Variants in CLMP observed in about 807,000 individuals in gnomAD.
CLMP encodes CXADR like cell adhesion molecule.
In CLMP, 27 loss-of-function variants were observed where a neutral mutation model predicts 45.2. That is an observed-to-expected ratio of 0.60 (90% CI 0.44 to 0.82). The LOEUF is 0.82. Ranked by LOEUF, CLMP falls within the 40% of genes least tolerant of loss-of-function variation. CLMP has a pLI of 0.00. For missense variants in CLMP, 403 were observed against 448.4 expected (o/e 0.90, Z 0.91); for synonymous variants, 167 against 171.4 (o/e 0.97, Z 0.20).
chr11:123,077,451 C>A (rs1865754531), intron 5 of CLMP, among the ~76,000 whole-genome samples: 1 of 152,160 alleles, frequency 6.6e-6, no homozygotes, highest in Admixed American at 6.5e-5. Context: ...CCTGCCTCAA[C>A]TTCCTGAGTA....
intron 1 of CLMP, among the ~76,000 whole-genome samples, chr11:123,154,805 A>G (rs1861389805): frequency 6.6e-6 from 1 of 152,200 alleles, no homozygotes; most frequent in South Asian, 2.1e-4. Flanking sequence ...TCACTCGCTG[A>G]TCAGATGTTC....
intron 1 of CLMP, among the ~76,000 whole-genome samples, chr11:123,149,757 C>T (rs191738701): frequency 0.01 from 1,564 of 151,684 alleles, 12 homozygotes; most frequent in Non-Finnish European, 0.015. Flanking sequence ...GAAAAGAGGT[C>T]CTCAAAAGGT....
intron 2 of CLMP, among the ~76,000 whole-genome samples, chr11:123,092,426 T>G (rs1027950280): frequency 8.4e-4 from 128 of 152,008 alleles, no homozygotes; most frequent in East Asian, 3.9e-4. Flanking sequence ...GCCTCTCGAG[T>G]AGCTGGGACT....
chr11:123,128,499 C>T (rs986306544), intron 1 of CLMP, among the ~76,000 whole-genome samples: 1 of 151,936 alleles, frequency 6.6e-6, no homozygotes, highest in Non-Finnish European at 1.5e-5. Flanking sequence ...TTGCCTCTAC[C>T]AAAAATAAAA....
chr11:123,077,038 G>C (rs539336127), intron 5 of CLMP, among the ~76,000 whole-genome samples: 1 of 103,596 alleles, frequency 9.7e-6, no homozygotes, highest in East Asian at 2.9e-4. Flanking sequence ...CGCTCTTGTT[G>C]CCCAGGCTGG....
intron 1 of CLMP, among the ~76,000 whole-genome samples, chr11:123,167,387 A>G (rs185519025): frequency 0.024 from 3,725 of 152,150 alleles, 177 homozygotes; most frequent in East Asian, 0.12. Context: ...CTGGGTTCAC[A>G]CCATTCTCCT....
intron 1 of CLMP, among the ~76,000 whole-genome samples, chr11:123,167,581 C>A (rs916126030): frequency 4.6e-5 from 7 of 151,826 alleles, no homozygotes; most frequent in South Asian, 2.1e-4. Flanking sequence ...CACCACGCCC[C>A]GCCGAAAGAC....
intron 1 of CLMP, among the ~76,000 whole-genome samples, chr11:123,178,900 A>T (rs780118871): frequency 4.6e-4 from 70 of 152,202 alleles, no homozygotes; most frequent in Non-Finnish European, 9.1e-4. Context: ...GTTGTATTAC[A>T]TGAGGTTCAC....
chr11:123,160,031 C>A (rs1159869270), intron 1 of CLMP, among the ~76,000 whole-genome samples: 3 of 152,062 alleles, frequency 2.0e-5, no homozygotes, highest in Non-Finnish European at 4.4e-5. Context: ...GCAATCCCAG[C>A]AGTTTGGGAG....
chr11:123,104,488 G>A (rs936667812), intron 1 of CLMP, among the ~76,000 whole-genome samples: 9 of 151,748 alleles, frequency 5.9e-5, no homozygotes, highest in Non-Finnish European at 1.2e-4. Flanking sequence ...AGGTTCAAAC[G>A]ATTCTCCTGC....
chr11:123,175,406 C>CAG (rs1861685922), intron 1 of CLMP, among the ~76,000 whole-genome samples: 1 of 150,150 alleles, frequency 6.7e-6, no homozygotes, highest in African/African-American at 2.5e-5. Flanking sequence ...GGAACCACCC[C>CAG]ATGATCCAGT....
At chr11:123,077,419 C>T (rs1865754199) in intron 5 of CLMP, among the ~76,000 whole-genome samples, 1 of 152,176 alleles carries the variant, frequency 6.6e-6, no homozygotes, top group Admixed American at 6.5e-5. Flanking sequence ...GCAACCTCTG[C>T]CTCCCGGGTT....
chr11:123,117,720 C>G (rs867564411), intron 1 of CLMP, among the ~76,000 whole-genome samples: 4 of 152,224 alleles, frequency 2.6e-5, no homozygotes, highest in African/African-American at 4.8e-5. Flanking sequence ...AGCCACCATG[C>G]CTGGCTGAGA....
intron 1 of CLMP, among the ~76,000 whole-genome samples, chr11:123,145,468 T>TG (rs374994167): frequency 0.27 from 40,179 of 146,216 alleles, 6,336 homozygotes; most frequent in African/African-American, 0.4. Context: ...TTTTTTTTTT[T>TG]TTTTTTTTTT....
intron 1 of CLMP, among the ~76,000 whole-genome samples, chr11:123,112,993 T>G (rs1476323476): frequency 6.6e-6 from 1 of 151,854 alleles, no homozygotes; most frequent in Non-Finnish European, 1.5e-5. Flanking sequence ...CAGGATGGTC[T>G]CGATCTCCTG....
At chr11:123,097,623 C>A (rs1016776478) in intron 2 of CLMP, among the ~76,000 whole-genome samples, 172 bp downstream of exon 2, 1 of 152,168 alleles carries the variant, frequency 6.6e-6, no homozygotes, top group Admixed American at 6.5e-5. Flanking sequence ...GCCACCACAC[C>A]CAGCAATACT....
intron 1 of CLMP, among the ~76,000 whole-genome samples, chr11:123,131,568 T>C (rs541837171): frequency 1.5e-4 from 23 of 152,264 alleles, no homozygotes; most frequent in African/African-American, 3.6e-4. Flanking sequence ...TTGGGTCACA[T>C]TGGAGTCCTG....
intron 1 of CLMP, among the ~76,000 whole-genome samples, chr11:123,156,796 C>T (rs1448225846): frequency 6.6e-6 from 1 of 152,204 alleles, no homozygotes; most frequent in Non-Finnish European, 1.5e-5. Flanking sequence ...TCCCAGAAAG[C>T]TTTGCTAAGC....
chr11:123,183,930 C>T (rs1265389053), intron 1 of CLMP, among the ~76,000 whole-genome samples: 1 of 152,018 alleles, frequency 6.6e-6, no homozygotes, highest in Non-Finnish European at 1.5e-5. Context: ...GACCTGGCTT[C>T]GAGTTTTGAT....
Sources: gnomAD v4.1 joint callset for allele counts (sites outside exome capture counted in the v4.1 genomes callset) on GRCh38, gnomAD v4.1.1 for gene constraint, MANE v1.5 for transcripts, NCBI Gene and HGNC (gene_info 2026-07-23, HGNC 2026-07-21) for gene names.